The following BCAS3 variants were observed in gnomAD, a reference collection of about 807,000 sequenced individuals.
BCAS3 encodes BCAS4/BCAS3 fusion.
In BCAS3, 53 loss-of-function variants were observed where a neutral mutation model predicts 116.1. The ratio of observed to expected loss-of-function variants is 0.46; its 90% CI spans 0.37 to 0.57. The LOEUF (loss-of-function observed/expected upper bound fraction) is 0.57. Ranked by LOEUF, BCAS3 falls within the 20% of genes least tolerant of loss-of-function variation. BCAS3 has a pLI of 0.00. For missense variants in BCAS3, 917 were observed against 1,165.4 expected (o/e 0.79, Z 3.10); for synonymous variants, 391 against 408.2 (o/e 0.96, Z 0.51).
At chr17:61,120,939 G>A (rs923825189) in intron 22 of BCAS3, among the ~76,000 whole-genome samples, 1 of 151,750 alleles carries the variant, frequency 6.6e-6, no homozygotes, top group Admixed American at 6.6e-5. Flanking sequence ...TATTTATTAA[G>A]GAAACCGGGA....
chr17:61,192,270 A>G (rs1404979741), intron 22 of BCAS3, among the ~76,000 whole-genome samples: 2 of 150,706 alleles, frequency 1.3e-5, no homozygotes, highest in Non-Finnish European at 3.0e-5. Flanking sequence ...AAAGAAACAT[A>G]GAGTTTAGAA....
At position 60,715,976 on chromosome 17, in the gene BCAS3, C is replaced by T. The variant is rs376402783; in HGVS notation, c.321+6651C>T. On this transcript the variant is annotated intron_variant, in intron 5 of 23. Coordinates refer to ENST00000407086, the MANE Select transcript of BCAS3 (RefSeq NM_017679.5). ...CTCCCAGTTTCAAGCAGTTCTCCTG[C>T]CTCAGCCTCCTGAGTAGCTTGAATT... 3.2e-4 allele frequency among the ~76,000 whole-genome samples: 49 copies of T among 152,228 alleles called. No homozygotes were observed. The East Asian group carries it at 8.7e-3, about 27-fold the overall frequency.
rs2076910778 is a variant in BCAS3, at chr17:61,141,457, C to G, written c.2425+56893C>G. Among the ~76,000 whole-genome samples the G allele has an allele frequency of 6.6e-6, 1 of 152,136 alleles. No homozygotes were observed. Among genetic ancestry groups the G allele is most frequent in the Non-Finnish European group, 1.5e-5 (1 of 68,008 alleles). ...TCCATAGTCCCAGCTACTTGGGAGG[C>G]TGAGGTGGAAGGATTCCTTGAGTCC... is the stretch of plus-strand genomic sequence containing the variant. On this transcript the variant is annotated intron_variant, in intron 22 of 23. Coordinates refer to ENST00000407086, the MANE Select transcript of BCAS3 (RefSeq NM_017679.5). This position sits in a 1 kb window ranked among gnomAD's most constrained non-coding sequence, Gnocchi z 4.3.
intron 4 of BCAS3, among the ~76,000 whole-genome samples, chr17:60,693,618 C>T (rs1415588618): frequency 6.6e-6 from 1 of 151,184 alleles, no homozygotes; most frequent in African/African-American, 2.4e-5. Context: ...TCACCATGTT[C>T]CCTAAACTGG....
intron 14 of BCAS3, 139 bp from the exon 15 acceptor site, chr17:60,989,832 A>C (rs961285116): frequency 1.1e-6 from 1 of 925,438 alleles, no homozygotes; most frequent in Middle Eastern, 3.5e-4. Flanking sequence ...CTGTAGAGTA[A>C]ATTTTTATTT....
At chr17:61,078,579 C>A in intron 21 of BCAS3, 50 bp downstream of exon 21, 1 of 1,475,966 alleles carries the variant, frequency 6.8e-7, no homozygotes, top group South Asian at 1.2e-5. Flanking sequence ...TTAATATGTT[C>A]GTGTGAAATG....
At chr17:60,681,642 T>C (rs1341721788) in intron 2 of BCAS3, among the ~76,000 whole-genome samples, 10 of 142,246 alleles carry the variant, frequency 7.0e-5, no homozygotes, top group East Asian at 2.2e-4. Context: ...ACCTCCGCCT[T>C]CTGGGTTCAA....
intron 7 of BCAS3, among the ~76,000 whole-genome samples, chr17:60,860,322 A>G (rs1407888132): frequency 2.0e-5 from 3 of 152,158 alleles, no homozygotes; most frequent in Non-Finnish European, 2.9e-5. Context: ...CTGTTCACGT[A>G]CTTTGCCCAT....
In BCAS3 at chr17:61,188,944, C is replaced by T. The variant is rs994415660; in HGVS notation, c.2425+104380C>T. On this transcript the variant is annotated intron_variant, in intron 22 of 23. Coordinates refer to ENST00000407086, the MANE Select transcript of BCAS3 (RefSeq NM_017679.5). The surrounding 1 kb of genome is among the most constrained non-coding windows in gnomAD (Gnocchi z 4.0). The stretch of plus-strand genomic sequence containing the variant: ...ATAGTGAGACCTCATCTCTATAAAA[C>T]ATCAAAAAATCAGCCGGGCGTGATG... Among the ~76,000 whole-genome samples the T allele has an allele frequency of 3.6e-4, 54 of 152,104 alleles. No individual in the cohort carries two copies. The highest frequency in any genetic ancestry group is 7.5e-4 in the Non-Finnish European group (51 of 67,972).
intron 4 of BCAS3, among the ~76,000 whole-genome samples, chr17:60,700,406 C>T (rs1358573186): frequency 6.6e-6 from 1 of 152,056 alleles, no homozygotes. Context: ...ATGCTTTTCA[C>T]CAAAATAAGG....
chr17:60,730,491 A>G (rs1399303583), intron 5 of BCAS3, among the ~76,000 whole-genome samples: 4 of 151,970 alleles, frequency 2.6e-5, no homozygotes, highest in Non-Finnish European at 5.9e-5. Flanking sequence ...TTTTTTCTTG[A>G]TGGTATACAC....
At chr17:61,184,382 GTCATTAGTCAT>G (rs1266016170) in intron 22 of BCAS3, among the ~76,000 whole-genome samples, 1 of 152,070 alleles carries the variant, frequency 6.6e-6, no homozygotes, top group African/African-American at 2.4e-5. Flanking sequence ...GAGTTGCTCT[GTCATTAGTCAT>G]TGGGGAAATG....
chr17:60,713,584 T>G (rs1185530502), intron 5 of BCAS3, among the ~76,000 whole-genome samples: 1 of 152,240 alleles, frequency 6.6e-6, no homozygotes, highest in Admixed American at 6.5e-5. Flanking sequence ...GTATAGAGTT[T>G]TCTTTCTTGT....
rs1398531238 is a variant in BCAS3 at position 61,228,644 on chromosome 17, G to A, written c.2426-139683G>A. Among the ~76,000 whole-genome samples, 2 of 152,058 alleles carry A rather than the reference G, an allele frequency of 1.3e-5. No individual in the cohort carries two copies. The highest frequency in any genetic ancestry group is 6.6e-5 in the Admixed American group (1 of 15,266). On this transcript the variant is annotated intron_variant, in intron 22 of 23. Coordinates refer to ENST00000407086, the MANE Select transcript of BCAS3 (RefSeq NM_017679.5). The surrounding 1 kb of genome is among the most constrained non-coding windows in gnomAD (Gnocchi z 5.0). ...GATCTTTGACGTTACTATTGTAATC[G>A]TTTGGGGGCACCCTCAAGCTATGCC...
At chr17:60,881,431 A>C (rs891334794) in intron 9 of BCAS3, among the ~76,000 whole-genome samples, 1 of 151,802 alleles carries the variant, frequency 6.6e-6, no homozygotes, top group Non-Finnish European at 1.5e-5. Flanking sequence ...TAAGAATTTA[A>C]TTGTTTAACT....
intron 18 of BCAS3, 109 bp downstream of exon 18, chr17:61,038,163 C>A: frequency 1.1e-6 from 1 of 929,396 alleles, no homozygotes. Flanking sequence ...AAATCATCAC[C>A]ACAATTAACA....
At chr17:60,701,576 C>T (rs1400749339) in intron 4 of BCAS3, among the ~76,000 whole-genome samples, 1 of 151,896 alleles carries the variant, frequency 6.6e-6, no homozygotes, top group Non-Finnish European at 1.5e-5. Context: ...ACCACATAGC[C>T]TAGAAACATC....
rs754799339 is a variant in BCAS3, at chr17:61,326,296, A to G, written c.2426-42031A>G. On this transcript the variant is annotated intron_variant, in intron 22 of 23. Transcript: ENST00000407086. This position sits in a 1 kb window ranked among gnomAD's most constrained non-coding sequence, Gnocchi z 5.3. ...TCAGCAAAGGGAGTAAGAGGGGAAGAGGAAAAAGAAATGCTTAAGGAGTTG... is the reference window on the plus strand; with the variant it reads ...TCAGCAAAGGGAGTAAGAGGGGAAGGGGAAAAAGAAATGCTTAAGGAGTTG... Among the ~76,000 whole-genome samples the G allele has an allele frequency of 1.2e-3, 177 of 152,160 alleles. No individual in the cohort carries two copies. Among genetic ancestry groups the G allele is most frequent in the Admixed American group, 2.2e-3 (33 of 15,262 alleles).
At chr17:60,926,978 T>C (rs2059394460) in intron 13 of BCAS3, among the ~76,000 whole-genome samples, 1 of 152,244 alleles carries the variant, frequency 6.6e-6, no homozygotes, top group South Asian at 2.1e-4. Flanking sequence ...TAATTTATTT[T>C]GTGACAATCA....
Sources: allele counts gnomAD v4.1 joint callset (sites outside exome capture counted in the v4.1 genomes callset), GRCh38; gene constraint gnomAD v4.1.1; non-coding constraint Gnocchi (gnomAD v3.1); transcripts MANE v1.5; gene names NCBI Gene and HGNC (gene_info 2026-07-23, HGNC 2026-07-21).